The following NRG3 variants were observed in gnomAD, a reference collection of about 807,000 sequenced individuals.
The protein encoded by NRG3 is neuregulin 3.
In NRG3, 31 loss-of-function variants were observed where a neutral mutation model predicts 66.9. The observed-to-expected ratio is 0.46, with a 90% CI of 0.35 to 0.63. NRG3 has a LOEUF of 0.63. Among genes scored for constraint, NRG3 ranks in the 20% least tolerant of loss-of-function variants. NRG3 has a pLI of 0.00. For synonymous variants in NRG3, 393 were observed against 359.4 expected, an observed-to-expected ratio of 1.09 and a Z score of -1.06; for missense variants, 910 against 878.9, an observed-to-expected ratio of 1.04 and a Z score of -0.45.
chr10:82,085,714 G>A (rs1310559926), intron 1 of NRG3, among the ~76,000 whole-genome samples: 1 of 151,878 alleles, frequency 6.6e-6, no homozygotes, highest in African/African-American at 2.4e-5. Context: ...TTGGCTCACT[G>A]CAACCTTCGC....
chr10:82,106,888 G>T (rs184082836), intron 1 of NRG3, among the ~76,000 whole-genome samples: 1 of 152,234 alleles, frequency 6.6e-6, no homozygotes, highest in East Asian at 1.9e-4. Flanking sequence ...TGCAAAAAGA[G>T]AAATGAAAAC....
At chr10:82,699,066 A>G (rs946631467) in intron 2 of NRG3, among the ~76,000 whole-genome samples, 4 of 152,152 alleles carry the variant, frequency 2.6e-5, no homozygotes, top group Admixed American at 2.0e-4. Context: ...AGTTTTCTGA[A>G]ATACGAATGT....
At chr10:82,259,636 C>T (rs1222990280) in intron 1 of NRG3, among the ~76,000 whole-genome samples, 1 of 152,132 alleles carries the variant, frequency 6.6e-6, no homozygotes, top group Non-Finnish European at 1.5e-5. Context: ...CACTCCGTAA[C>T]AATGAATTAG....
chr10:82,773,204 A>G (rs185957534), intron 3 of NRG3, among the ~76,000 whole-genome samples: 1 of 152,200 alleles, frequency 6.6e-6, no homozygotes, highest in Non-Finnish European at 1.5e-5. Context: ...ATTCCCGCCA[A>G]CTGTGCACTG....
chr10:82,778,735 G>A (rs1376389070), intron 3 of NRG3, among the ~76,000 whole-genome samples: 2 of 152,066 alleles, frequency 1.3e-5, no homozygotes, highest in South Asian at 4.2e-4. Context: ...TCCTTTGGTG[G>A]CAGGGCACCA....
Position 81,916,425 on chromosome 10 carries a change from C to T in NRG3, c.823+40262C>T, listed in dbSNP as rs746181807. ...ATATCTGTTTGCTAACTGTATGATACAGAAGCAGCTGAGTATGAGTTTTCA... is the reference window on the plus strand; with the variant it reads ...ATATCTGTTTGCTAACTGTATGATATAGAAGCAGCTGAGTATGAGTTTTCA... On this transcript the variant is annotated intron_variant, in intron 1 of 8. Coordinates refer to ENST00000372141, the MANE Select transcript of NRG3 (RefSeq NM_001010848.4). 3.2e-4 allele frequency among the ~76,000 whole-genome samples: 48 copies of T among 152,204 alleles called. 1 individual carries two copies. The highest frequency in any genetic ancestry group is 2.7e-3 in the Admixed American group (42 of 15,290).
chr10:82,525,946 C>A (rs1846651365), intron 2 of NRG3, among the ~76,000 whole-genome samples: 2 of 151,692 alleles, frequency 1.3e-5, no homozygotes, highest in South Asian at 4.1e-4. Context: ...AATTAAATGG[C>A]AGATTAGATG....
chr10:82,019,498 T>C (rs2061957141), intron 1 of NRG3, among the ~76,000 whole-genome samples: 1 of 152,186 alleles, frequency 6.6e-6, no homozygotes, highest in African/African-American at 2.4e-5. Flanking sequence ...ATTGGAATAG[T>C]TTCAGAAGGA....
At chr10:82,061,842 T>TTCTCTCTCTCTCTCTCTC (rs72439199) in intron 1 of NRG3, among the ~76,000 whole-genome samples, 7 of 146,822 alleles carry the variant, frequency 4.8e-5, no homozygotes, top group African/African-American at 1.3e-4. Context: ...CAGTGTCCCT[T>TTCTCTCTCTCTCTCTCTC]TCTCTCTCTC....
chr10:82,189,222 T>G (rs2073991226), intron 1 of NRG3, among the ~76,000 whole-genome samples: 1 of 152,190 alleles, frequency 6.6e-6, no homozygotes, highest in Non-Finnish European at 1.5e-5. Context: ...TGCTTGTCTT[T>G]CTGTGCCTGA....
intron 3 of NRG3, among the ~76,000 whole-genome samples, chr10:82,834,320 A>G (rs2135700775): frequency 6.6e-6 from 1 of 152,178 alleles, no homozygotes; most frequent in Non-Finnish European, 1.5e-5. Context: ...AAGAACTGAA[A>G]TTTCTAAGCC....
intron 2 of NRG3, among the ~76,000 whole-genome samples, chr10:82,542,623 A>G (rs1318867027): frequency 6.6e-6 from 1 of 152,258 alleles, no homozygotes. Context: ...CAAAGTGAAC[A>G]TCATAAGTAA....
At chr10:82,876,598 C>T (rs974697657) in intron 4 of NRG3, among the ~76,000 whole-genome samples, 24 of 152,306 alleles carry the variant, frequency 1.6e-4, no homozygotes, top group Middle Eastern at 6.8e-3. Context: ...TAGTCAGTAT[C>T]AAGTTGATTA....
intron 1 of NRG3, among the ~76,000 whole-genome samples, chr10:82,005,624 C>T (rs1354960628): frequency 6.6e-6 from 1 of 152,048 alleles, no homozygotes; most frequent in Non-Finnish European, 1.5e-5. Context: ...GTAAAGTTAC[C>T]ATCCTTTTTT....
chr10:82,744,084 GC>G (rs2058543144), intron 3 of NRG3, among the ~76,000 whole-genome samples: 1 of 152,086 alleles, frequency 6.6e-6, no homozygotes, highest in South Asian at 2.1e-4. Context: ...GAAAGTGATG[GC>G]CCTCAGCAGA....
At chr10:82,059,203 A>G (rs2064003125) in intron 1 of NRG3, among the ~76,000 whole-genome samples, 1 of 152,240 alleles carries the variant, frequency 6.6e-6, no homozygotes, top group Admixed American at 6.5e-5. Context: ...TAATGTGATC[A>G]AATCTGTATT....
intron 1 of NRG3, among the ~76,000 whole-genome samples, chr10:81,930,680 G>C (rs964417004): frequency 6.6e-6 from 1 of 152,166 alleles, no homozygotes; most frequent in Admixed American, 6.5e-5. Flanking sequence ...GTCTCCCCGA[G>C]GAAAAGTGAC....
chr10:82,750,333 C>G (rs550367881), intron 3 of NRG3, among the ~76,000 whole-genome samples: 1 of 152,222 alleles, frequency 6.6e-6, no homozygotes, highest in South Asian at 2.1e-4. Flanking sequence ...ATCTTTATTT[C>G]TAATTTGGTA....
chr10:82,098,512 CTG>C (rs748726938), intron 1 of NRG3, among the ~76,000 whole-genome samples: 13 of 152,190 alleles, frequency 8.5e-5, no homozygotes, highest in Non-Finnish European at 1.3e-4. Context: ...CACATACAAT[CTG>C]TGTTAGAGGG....
Sources: gnomAD v4.1 joint callset for allele counts (sites outside exome capture counted in the v4.1 genomes callset) on GRCh38, gnomAD v4.1.1 for gene constraint, MANE v1.5 for transcripts, NCBI Gene and HGNC (gene_info 2026-07-23, HGNC 2026-07-21) for gene names.